Variants in NELL1 observed in about 807,000 individuals in gnomAD.
NELL1 encodes the protein protein kinase C-binding protein NELL1.
NELL1 carries 76 observed loss-of-function variants against 107.4 expected under a neutral mutation model. The ratio of observed to expected loss-of-function variants is 0.71; its 90% CI spans 0.59 to 0.86. The LOEUF (loss-of-function observed/expected upper bound fraction) is 0.86, where lower values mean the gene tolerates loss of function less well. Ranked by LOEUF, NELL1 falls within the 40% of genes least tolerant of loss-of-function variation. The pLI, the probability that NELL1 is intolerant of heterozygous loss-of-function variation, is 0.00. For missense variants in NELL1, 1,024 were observed against 1,005.5 expected (o/e 1.02, Z -0.25); for synonymous variants, 353 against 341.2 (o/e 1.03, Z -0.38).
intron 2 of NELL1, among the ~76,000 whole-genome samples, chr11:20,711,035 C>A (rs1052403261): frequency 6.6e-6 from 1 of 151,654 alleles, no homozygotes; most frequent in Non-Finnish European, 1.5e-5. Flanking sequence ...TAGTTCTACT[C>A]TGATCTTTGT....
chr11:21,019,704 A>G (rs1590547387), intron 12 of NELL1, among the ~76,000 whole-genome samples: 1 of 152,016 alleles, frequency 6.6e-6, no homozygotes, highest in African/African-American at 2.4e-5. Context: ...CTCAAATCCC[A>G]ATACTGCTGT....
intron 16 of NELL1, among the ~76,000 whole-genome samples, chr11:21,541,480 G>C (rs573316645): frequency 6.6e-6 from 1 of 152,112 alleles, no homozygotes; most frequent in Admixed American, 6.6e-5. Flanking sequence ...GCCTAAGAAT[G>C]ATTTTGCTTT....
At chr11:20,878,177 G>A (rs541659094) in intron 4 of NELL1, among the ~76,000 whole-genome samples, 4 of 151,778 alleles carry the variant, frequency 2.6e-5, no homozygotes, top group East Asian at 1.9e-4. Context: ...TGGCTAACAC[G>A]GTGAAAACCC....
intron 5 of NELL1, among the ~76,000 whole-genome samples, chr11:20,898,828 G>A (rs1849809552): frequency 1.3e-5 from 2 of 151,710 alleles, no homozygotes; most frequent in Admixed American, 1.3e-4. Context: ...AATAATATTT[G>A]CTTTCACAAA....
At chr11:21,545,318 G>A (rs1407311172) in intron 16 of NELL1, among the ~76,000 whole-genome samples, 1 of 151,916 alleles carries the variant, frequency 6.6e-6, no homozygotes, top group African/African-American at 2.4e-5. Context: ...AGAAGCCTTT[G>A]GGGATAAAAA....
At chr11:21,483,199 G>C (rs1854535952) in intron 15 of NELL1, among the ~76,000 whole-genome samples, 1 of 152,086 alleles carries the variant, frequency 6.6e-6, no homozygotes, top group Admixed American at 6.6e-5. Context: ...GATTATTTAA[G>C]TGTCTGAAAA....
At chr11:21,043,036 G>A (rs949463013) in intron 12 of NELL1, among the ~76,000 whole-genome samples, 29 of 152,118 alleles carry the variant, frequency 1.9e-4, no homozygotes, top group South Asian at 1.2e-3. Context: ...AATTGCTTAC[G>A]GTGCTATTAA....
chr11:20,975,796 TTA>T (rs1301148400), intron 12 of NELL1, among the ~76,000 whole-genome samples: 2 of 136,782 alleles, frequency 1.5e-5, no homozygotes, highest in African/African-American at 2.7e-5. Context: ...TATATATGTA[TTA>T]TATGATATAC....
intron 15 of NELL1, among the ~76,000 whole-genome samples, chr11:21,519,483 C>T (rs1221117525): frequency 6.6e-6 from 1 of 151,602 alleles, no homozygotes; most frequent in Non-Finnish European, 1.5e-5. Flanking sequence ...AGTGATTTAC[C>T]CCTTGGGCTA....
At chr11:20,720,239 T>C (rs2133907517) in intron 2 of NELL1, among the ~76,000 whole-genome samples, 1 of 151,368 alleles carries the variant, frequency 6.6e-6, no homozygotes. Flanking sequence ...AGTCTTGCTC[T>C]GTCACCCAGG....
At chr11:21,017,918 C>T (rs1852607320) in intron 12 of NELL1, among the ~76,000 whole-genome samples, 1 of 152,056 alleles carries the variant, frequency 6.6e-6, no homozygotes, top group Admixed American at 6.6e-5. Flanking sequence ...CTACTCACAG[C>T]CTCTGCTGTA....
At chr11:21,441,709 T>A (rs1853289656) in intron 15 of NELL1, among the ~76,000 whole-genome samples, 1 of 152,180 alleles carries the variant, frequency 6.6e-6, no homozygotes, top group Non-Finnish European at 1.5e-5. Flanking sequence ...TTTATAAATG[T>A]TAATTATCTT....
intron 4 of NELL1, among the ~76,000 whole-genome samples, chr11:20,865,246 A>G (rs923330301): frequency 1.3e-5 from 2 of 152,230 alleles, no homozygotes; most frequent in Non-Finnish European, 2.9e-5. Flanking sequence ...TGCACAAATT[A>G]TATGACTGAG....
intron 12 of NELL1, among the ~76,000 whole-genome samples, chr11:21,086,481 T>TA (rs1270881257): frequency 6.6e-6 from 1 of 152,154 alleles, no homozygotes; most frequent in Non-Finnish European, 1.5e-5. Flanking sequence ...ATATAGTAGC[T>TA]AAAAGATAAA....
intron 15 of NELL1, among the ~76,000 whole-genome samples, chr11:21,399,960 A>G (rs1187796456): frequency 1.3e-5 from 2 of 151,868 alleles, no homozygotes; most frequent in Non-Finnish European, 2.9e-5. Context: ...ACTTTAATGT[A>G]GCATTACTAA....
chr11:21,125,778 T>C (rs1855473756), intron 13 of NELL1, among the ~76,000 whole-genome samples: 1 of 152,176 alleles, frequency 6.6e-6, no homozygotes, highest in Admixed American at 6.5e-5. Flanking sequence ...GCTTGAGAAA[T>C]AGATCCATCT....
At chr11:20,952,060 A>AG in intron 11 of NELL1, among the ~76,000 whole-genome samples, 1 of 151,282 alleles carries the variant, frequency 6.6e-6, no homozygotes, top group Non-Finnish European at 1.5e-5. Context: ...AAGGATGAAA[A>AG]AAAAAAAATG....
At chr11:21,512,510 T>C (rs1378131658) in intron 15 of NELL1, among the ~76,000 whole-genome samples, 2 of 152,158 alleles carry the variant, frequency 1.3e-5, no homozygotes, top group Non-Finnish European at 2.9e-5. Flanking sequence ...ATTGTAATTA[T>C]ATATGTGCTT....
At chr11:21,354,988 C>G (rs1850900473) in intron 14 of NELL1, among the ~76,000 whole-genome samples, 1 of 152,156 alleles carries the variant, frequency 6.6e-6, no homozygotes, top group Non-Finnish European at 1.5e-5. Flanking sequence ...CTTTCAGGCT[C>G]CCATTTCCTA....
Sources: gnomAD v4.1 joint callset for allele counts (sites outside exome capture counted in the v4.1 genomes callset) on GRCh38, gnomAD v4.1.1 for gene constraint, MANE v1.5 for transcripts, NCBI Gene and HGNC (gene_info 2026-07-23, HGNC 2026-07-21) for gene names.